Variants in ZNF792 observed in about 807,000 individuals in gnomAD.
ZNF792 encodes zinc finger protein 792.
In ZNF792, 14 loss-of-function variants were observed where a neutral mutation model predicts 13.1. The observed-to-expected ratio is 1.07, with a 90% confidence interval of 0.71 to 1.67. The LOEUF (loss-of-function observed/expected upper bound fraction) is 1.67. ZNF792 is among the 40% of genes most tolerant of loss of function. The pLI is 0.00. For synonymous variants in ZNF792, 257 were observed against 292.0 expected (o/e 0.88, Z 1.22); for missense variants, 740 against 807.9 (o/e 0.92, Z 1.02).
rs975543491 is a variant in ZNF792 at position 34,956,455 on chromosome 19, G to A, written c.*1501C>T. The A allele has an allele frequency of 6.6e-6, 1 of 152,164 alleles. No individual in the cohort carries two copies. Among genetic ancestry groups the A allele is most frequent in the Non-Finnish European group, 1.5e-5 (1 of 68,020 alleles). 9.4% of individuals were successfully genotyped at this position (152,164 alleles called of 1,614,324 possible). A position where few individuals can be genotyped will look rare whatever the true frequency, so the allele number is the denominator to read the frequency against. On this transcript the variant is annotated 3_prime_UTR_variant, in exon 4 of 4. Coordinates refer to ENST00000404801, the MANE Select transcript of ZNF792 (RefSeq NM_175872.5). ...TCAACGGTTTCCTAGGGAAGGCAAGGAGGGAATGTAAAGGGGCATGAGGTA... is the reference window on the plus strand; with the variant it reads ...TCAACGGTTTCCTAGGGAAGGCAAGAAGGGAATGTAAAGGGGCATGAGGTA...
chr19:34,958,353 G>C lies in ZNF792; in HGVS notation c.1502C>G (p.Thr501Ser), dbSNP rs761846416. 1 of 1,613,578 alleles carries C rather than the reference G, an allele frequency of 6.2e-7. No homozygotes were observed. The highest frequency in any genetic ancestry group is 1.1e-5 in the South Asian group (1 of 91,050). ...SSLNSHRRLH[T>S]GERPYQCSEC... ...ACTGCACTGGTAAGGCCGTTCACCA[G>C]TGTGAAGTCTCCGATGGCTATTGAG... The change falls in exon 4 of 4, where the codon ACT becomes AGT. Residue 501 changes from threonine to serine, a missense_variant. Coordinates refer to ENST00000404801, the MANE Select transcript of ZNF792 (RefSeq NM_175872.5).
At chr19:34,962,756 T>C (rs1388030256) in intron 1 of ZNF792, among the ~76,000 whole-genome samples, 1 of 152,056 alleles carries the variant, frequency 6.6e-6, no homozygotes, top group Non-Finnish European at 1.5e-5. Context: ...CCTTAACAAC[T>C]CCCTCAGAAC....
chr19:34,963,366 G>A (rs879854808), intron 1 of ZNF792, among the ~76,000 whole-genome samples: 13 of 151,716 alleles, frequency 8.6e-5, no homozygotes, highest in Admixed American at 5.9e-4. Flanking sequence ...CCACCCCCAA[G>A]CTTTTGCGCA....
At chr19:34,963,043 C>T (rs1170160526) in intron 1 of ZNF792, among the ~76,000 whole-genome samples, 1 of 152,116 alleles carries the variant, frequency 6.6e-6, no homozygotes, top group Non-Finnish European at 1.5e-5. Context: ...CACTCTGGTC[C>T]GGCCAGCCGC....
At chr19:34,963,568 T>C in intron 1 of ZNF792, 62 bp downstream of exon 1, 2 of 1,574,256 alleles carry the variant, frequency 1.3e-6, no homozygotes, top group East Asian at 2.3e-5. Context: ...CTTTTGCGTC[T>C]CAACACCGAG....
rs779618754 is a variant in ZNF792, at chr19:34,959,302, G to A, written c.553C>T (p.His185Tyr). ...CCCTCCTCCGTTCTGATAGGGTTGT[G>A]TACGTTCTGCTGCACCTGTTTCCGG... ...LPRKQVQQNV[H>Y]NPIRTEEGQA... The change falls in exon 4 of 4, where the codon CAC becomes TAC. Residue 185 changes from histidine to tyrosine, a missense_variant. His to Tyr is a moderately conservative substitution (Grantham distance 83). Transcript: ENST00000404801. 5 of 1,613,940 alleles carry A rather than the reference G, an allele frequency of 3.1e-6. No individual in the cohort carries two copies. In the East Asian group the frequency reaches 1.1e-4, roughly 36 times the overall value.
rs368830144 is a variant in ZNF792 at position 34,959,036 on chromosome 19, C to G, written c.819G>C (p.Gln273His). ...FNNKSTLVQHQRIHSRERPYE... is the reference protein window; with the variant it reads ...FNNKSTLVQHHRIHSRERPYE... ...AAGGCCTTTCTCTGCTGTGGATTCT[C>G]TGGTGCTGAACAAGAGTGGATTTGT... The change falls in exon 4 of 4, where the codon CAG (glutamine) becomes CAC (histidine). Residue 273 changes from glutamine to histidine, a missense_variant. Gln to His is a conservative substitution (Grantham distance 24). Transcript: ENST00000404801. The G allele has an allele frequency of 8.5e-5, 138 of 1,614,168 alleles. No individual in the cohort carries two copies. The South Asian group carries it at 1.4e-3, about 17-fold the overall frequency.
chr19:34,962,458 G>A (rs2013543294), intron 1 of ZNF792, among the ~76,000 whole-genome samples: 2 of 152,296 alleles, frequency 1.3e-5, no homozygotes. Flanking sequence ...TTCTCTGGTT[G>A]TTCTTAAATC....
At chr19:34,960,614 C>T (rs1452757516) in intron 2 of ZNF792, 4 of 681,830 alleles carry the variant, frequency 5.9e-6, no homozygotes, top group Non-Finnish European at 7.3e-6. Flanking sequence ...CAGAGGTAGT[C>T]ACACAGCTAA....
Position 34,957,732 on chromosome 19 carries a change from C to T in ZNF792, c.*224G>A. On this transcript the variant is annotated 3_prime_UTR_variant, in exon 4 of 4. Transcript: ENST00000404801. ...CATACAGGGCGGGAATGACATCTTC[C>T]CAAGGCTTCAGACTACTCCTAATTC... is the stretch of plus-strand genomic sequence containing the variant. 1 of 500,940 alleles carries T rather than the reference C, an allele frequency of 2.0e-6. No homozygotes were observed. The highest frequency in any genetic ancestry group is 3.5e-6 in the Non-Finnish European group (1 of 289,594). 31.0% of individuals were successfully genotyped at this position (500,940 alleles called of 1,614,324 possible). A position where few individuals can be genotyped will look rare whatever the true frequency, so the allele number is the denominator to read the frequency against.
rs1433911616 is a variant in ZNF792 at position 34,957,555 on chromosome 19, AG to A, written c.*400del. 3.2e-5 allele frequency: 6 copies of A among 185,894 alleles called. No homozygotes were observed. Among genetic ancestry groups the A allele is most frequent in the African/African-American group, 1.4e-4 (6 of 42,298 alleles). 11.5% of individuals were successfully genotyped at this position (185,894 alleles called of 1,614,324 possible). A position where few individuals can be genotyped will look rare whatever the true frequency, so the allele number is the denominator to read the frequency against. On this transcript the variant is annotated 3_prime_UTR_variant, in exon 4 of 4. Coordinates refer to ENST00000404801, the MANE Select transcript of ZNF792 (RefSeq NM_175872.5). Reference sequence around the variant, plus strand: ...ACACAGGAGATAAGTTGTTGTGTAGAGTAACATGAAGGCTGGACAAATCCTT... The same window carrying A: ...ACACAGGAGATAAGTTGTTGTGTAGATAACATGAAGGCTGGACAAATCCTT...
chr19:34,961,113 T>C, intron 1 of ZNF792, 119 bp from the exon 2 acceptor site: 1 of 1,418,122 alleles, frequency 7.1e-7, no homozygotes, highest in South Asian at 1.4e-5. Flanking sequence ...GCCCTGGTTC[T>C]GTGGGCGCCT....
At position 34,958,128 on chromosome 19, in the gene ZNF792, G is replaced by A. The variant is rs2013460275; in HGVS notation, c.1727C>T (p.Thr576Ile). ...GTGAATCTTCTGATGCCGAATGAGG[G>A]TAGGCCTTTGGTTGAAGGCTTTCCC... is the stretch of plus-strand genomic sequence containing the variant. The part of the protein sequence containing the change: ...ECGKAFNQRP[T>I]LIRHQKIHIR... The change falls in exon 4 of 4, where the codon ACC becomes ATC. Residue 576 changes from threonine (T) to isoleucine (I), a missense_variant. Physicochemically the swap from Thr to Ile is moderately conservative, Grantham distance 89. Coordinates refer to ENST00000404801, the MANE Select transcript of ZNF792 (RefSeq NM_175872.5). 2 of 1,613,558 alleles carry A rather than the reference G, an allele frequency of 1.2e-6. No homozygotes were observed.
At position 34,963,889 on chromosome 19, in the gene ZNF792, C is replaced by A; in HGVS notation, c.-227G>T. On this transcript the variant is annotated 5_prime_UTR_variant, in exon 1 of 4. Transcript: ENST00000404801. ...AGCGCGCAGCTCCGCTGGGTACCCC[C>A]GTTGCAAGGGGTCACGGCTGGTGCA... The A allele has an allele frequency of 3.7e-6, 2 of 538,946 alleles. No individual in the cohort carries two copies. Among genetic ancestry groups the A allele is most frequent in the South Asian group, 2.6e-5 (1 of 38,576 alleles). 33.4% of individuals were successfully genotyped at this position (538,946 alleles called of 1,614,324 possible).
intron 1 of ZNF792, 121 bp downstream of exon 1, chr19:34,963,509 C>G: frequency 7.0e-7 from 1 of 1,433,676 alleles, no homozygotes; most frequent in African/African-American, 1.4e-5. Flanking sequence ...GGTCCCCTGA[C>G]TCAAAAGCAA....
intron 1 of ZNF792, among the ~76,000 whole-genome samples, chr19:34,961,249 A>G (rs1320340253): frequency 6.6e-6 from 1 of 152,026 alleles, no homozygotes. Flanking sequence ...AGTGTCACCA[A>G]TGTCATGCTT....
In ZNF792 at chr19:34,960,288, C is replaced by T. The variant is rs1347215672; in HGVS notation, c.230G>A (p.Ser77Asn). ...GGCCATGGCTGATGTCATATCCACA[C>T]TGTCAGGCACCCAGGGCTCTTTCCC... ...EMGKEPWVPD[S>N]VDMTSAMARG... Residue 77 changes from serine to asparagine, a missense_variant, in exon 3 of 4, where the codon AGT becomes AAT. By Grantham distance (46) the Ser-to-Asn change is conservative. Transcript: ENST00000404801. 1 of 1,613,976 alleles carries T rather than the reference C, an allele frequency of 6.2e-7. No homozygotes were observed.
Position 34,958,248 on chromosome 19 carries a change from C to T in ZNF792, c.1607G>A (p.Cys536Tyr), listed in dbSNP as rs959036565. 1 of 1,614,104 alleles carries T rather than the reference C, an allele frequency of 6.2e-7. No individual in the cohort carries two copies. The highest frequency in any genetic ancestry group is 2.2e-5 in the East Asian group (1 of 44,892). Residue 536 changes from cysteine (C) to tyrosine (Y), a missense_variant, in exon 4 of 4, where the codon TGC becomes TAC. Cys to Tyr is a radical substitution (Grantham distance 194). Transcript: ENST00000404801. ...CCTGAAGGTTTTCCCACATTCGCTG[C>T]ACTCATAAGGCCGCTCGCCGGTGTG... Reference protein sequence around the residue: ...RLHTGERPYECSECGKTFRQR... With the variant: ...RLHTGERPYEYSECGKTFRQR...
chr19:34,960,086 T>G, intron 3 of ZNF792, 149 bp downstream of exon 3: 2 of 1,170,114 alleles, frequency 1.7e-6, no homozygotes, highest in South Asian at 1.6e-5. Context: ...GACAAGTAGA[T>G]AATGTGTCAA....
Sources: allele counts gnomAD v4.1 joint callset (sites outside exome capture counted in the v4.1 genomes callset), GRCh38; gene constraint gnomAD v4.1.1; transcripts MANE v1.5; gene names NCBI Gene and HGNC (gene_info 2026-07-23, HGNC 2026-07-21).